CGREF1: variants seen among roughly 807,000 people sequenced by gnomAD.
The protein encoded by CGREF1 is cell growth regulator with EF hand domain protein 1.
CGREF1 carries 16 observed loss-of-function variants against 17.4 expected under a neutral mutation model. The observed-to-expected ratio is 0.92, with a 90% CI of 0.62 to 1.40. CGREF1 has a LOEUF of 1.40. Ranked by LOEUF, CGREF1 falls within the 40% of genes most tolerant of loss-of-function variation. The pLI, the probability that CGREF1 is intolerant of heterozygous loss-of-function variation, is 0.00. For synonymous variants in CGREF1, 142 were observed against 154.6 expected (o/e 0.92, Z 0.61); for missense variants, 296 against 376.4 (o/e 0.79, Z 1.77).
At chr2:27,104,248 T>A in intron 2 of CGREF1, 39 bp downstream of exon 2, 1 of 1,518,738 alleles carries the variant, frequency 6.6e-7, no homozygotes, top group Non-Finnish European at 8.8e-7. Flanking sequence ...AGACTTTCCC[T>A]CCTCCCAGCC....
intron 1 of CGREF1, among the ~76,000 whole-genome samples, chr2:27,111,628 G>C (rs1332360089): frequency 6.6e-6 from 1 of 152,324 alleles, no homozygotes; most frequent in East Asian, 1.9e-4. Context: ...CTCAGGCATG[G>C]CGGGCTGCAG....
At chr2:27,110,208 GCCTGGGCAACAC>G in intron 1 of CGREF1, among the ~76,000 whole-genome samples, 1 of 152,078 alleles carries the variant, frequency 6.6e-6, no homozygotes, top group Non-Finnish European at 1.5e-5. Context: ...TTTGAGACCA[GCCTGGGCAACAC>G]CCTGTCTCTA....
chr2:27,113,722 G>C (rs1157550153), intron 1 of CGREF1, among the ~76,000 whole-genome samples: 2 of 152,134 alleles, frequency 1.3e-5, no homozygotes, highest in Non-Finnish European at 2.9e-5. Flanking sequence ...GCAGGGCTGT[G>C]GTGAGGGTTT....
chr2:27,113,990 CTTTT>C (rs60288087), intron 1 of CGREF1, among the ~76,000 whole-genome samples: 133 of 102,340 alleles, frequency 1.3e-3, no homozygotes, highest in African/African-American at 5.9e-3. Flanking sequence ...TAGCAGGTGC[CTTTT>C]TTTTTTTTTT....
intron 1 of CGREF1, among the ~76,000 whole-genome samples, chr2:27,116,924 T>TCTCTCTCTCTCTCTCTCTCTCTCTCTCTC (rs1558467022): frequency 8.6e-5 from 8 of 92,552 alleles, no homozygotes; most frequent in East Asian, 3.1e-4. Context: ...TCTCTCTCTC[T>TCTCTCTCTCTCTCTCTCTCTCTCTCTCTC]TTTTTTGAGA....
At chr2:27,109,357 G>C (rs1447836699) in intron 1 of CGREF1, among the ~76,000 whole-genome samples, 1 of 138,764 alleles carries the variant, frequency 7.2e-6, no homozygotes, top group Admixed American at 7.4e-5. Flanking sequence ...GGGCAACAGA[G>C]CAAGACCCTG....
intron 1 of CGREF1, chr2:27,110,563 C>T (rs1042829196): frequency 7.3e-6 from 1 of 136,716 alleles, no homozygotes; most frequent in Admixed American, 7.3e-5. Flanking sequence ...TTTAAAAAGA[C>T]TAGTAAAATA....
intron 1 of CGREF1, among the ~76,000 whole-genome samples, chr2:27,116,923 C>CTT (rs56355405): frequency 0.052 from 2,724 of 52,338 alleles, 250 homozygotes; most frequent in African/African-American, 0.082. Context: ...CTCTCTCTCT[C>CTT]TTTTTTTGAG....
At chr2:27,102,248 A>G in intron 4 of CGREF1, 27 bp from the exon 5 acceptor site, 1 of 1,611,450 alleles carries the variant, frequency 6.2e-7, no homozygotes, top group Non-Finnish European at 8.5e-7. Flanking sequence ...CTGGATTAGA[A>G]GAGGTGCCGG....
chr2:27,116,603 T>TCTG (rs1232000674), intron 1 of CGREF1, among the ~76,000 whole-genome samples: 1 of 151,032 alleles, frequency 6.6e-6, no homozygotes, highest in Non-Finnish European at 1.5e-5. Flanking sequence ...AGAGTCTCAC[T>TCTG]CTGCTGCCCA....
At chr2:27,105,015 G>GA (rs938437599) in intron 1 of CGREF1, among the ~76,000 whole-genome samples, 13 of 152,058 alleles carry the variant, frequency 8.5e-5, no homozygotes, top group African/African-American at 3.1e-4. Flanking sequence ...CACTATAAAG[G>GA]AAAAAACAAA....
chr2:27,114,476 T>G (rs1671503983), intron 1 of CGREF1, among the ~76,000 whole-genome samples: 1 of 152,214 alleles, frequency 6.6e-6, no homozygotes, highest in African/African-American at 2.4e-5. Context: ...ACTTGGAGTC[T>G]AACTCGCCTC....
intron 1 of CGREF1, among the ~76,000 whole-genome samples, chr2:27,116,908 TC>T (rs753275439): frequency 0.052 from 6,327 of 121,758 alleles, 383 homozygotes; most frequent in Middle Eastern, 0.066. Flanking sequence ...TCTCTCTCTC[TC>T]TCTCTCTCTC....
At chr2:27,100,410 G>A (rs962315515), downstream of CGREF1, 1 of 1,288,910 alleles carries the variant, frequency 7.8e-7, no homozygotes. Flanking sequence ...CACCCTTGGA[G>A]CCCACCTTGG....
chr2:27,099,786 A>AC (rs542718971), downstream of CGREF1: 22 of 1,607,720 alleles, frequency 1.4e-5, no homozygotes, highest in East Asian at 4.7e-4. Flanking sequence ...CATGGAGACT[A>AC]CCATTGCGGC....
intron 2 of CGREF1, 79 bp downstream of exon 2, chr2:27,104,208 G>A (rs1671026984): frequency 1.4e-6 from 2 of 1,425,000 alleles, no homozygotes; most frequent in East Asian, 4.7e-5. Flanking sequence ...CTGCCTCCCA[G>A]AGGGCCCACC....
intron 2 of CGREF1, among the ~76,000 whole-genome samples, chr2:27,103,565 G>C (rs908088871): frequency 6.6e-6 from 1 of 151,626 alleles, no homozygotes; most frequent in Non-Finnish European, 1.5e-5. Context: ...GTAGAGATGG[G>C]GTTTCACCAT....
At chr2:27,114,903 T>C (rs1671518432) in intron 1 of CGREF1, among the ~76,000 whole-genome samples, 1 of 152,042 alleles carries the variant, frequency 6.6e-6, no homozygotes. Context: ...ACGTTATCTT[T>C]TTGTGTGTGT....
chr2:27,107,489 A>AGG (rs1404649356), intron 1 of CGREF1, among the ~76,000 whole-genome samples: 1 of 151,514 alleles, frequency 6.6e-6, no homozygotes, highest in African/African-American at 2.4e-5. Context: ...TCCTGACCTC[A>AGG]TGATCTGCCC....
Sources: gnomAD v4.1 joint callset for allele counts (sites outside exome capture counted in the v4.1 genomes callset) on GRCh38, gnomAD v4.1.1 for gene constraint, MANE v1.5 for transcripts, NCBI Gene and HGNC (gene_info 2026-07-23, HGNC 2026-07-21) for gene names.